LMX1A: variants seen among roughly 807,000 people sequenced by gnomAD.
LMX1A encodes the protein LIM homeobox transcription factor 1 alpha.
A neutral mutation model predicts 49.1 loss-of-function variants in LMX1A; 15 were observed. The ratio of observed to expected loss-of-function variants is 0.31; its 90% CI spans 0.20 to 0.47. The LOEUF (loss-of-function observed/expected upper bound fraction) is 0.47, where lower values mean the gene tolerates loss of function less well. Among genes scored for constraint, LMX1A ranks in the 20% least tolerant of loss-of-function variants. The pLI is 1.00. For missense variants in LMX1A, 372 were observed against 475.8 expected (o/e 0.78, Z 2.03); for synonymous variants, 167 against 185.7 (o/e 0.90, Z 0.82).
intron 3 of LMX1A, among the ~76,000 whole-genome samples, chr1:165,342,042 A>T (rs1656093272): frequency 6.6e-6 from 1 of 152,248 alleles, no homozygotes; most frequent in African/African-American, 2.4e-5. Flanking sequence ...CACATATTTC[A>T]TCTCTCCAAA....
intron 3 of LMX1A, among the ~76,000 whole-genome samples, chr1:165,258,048 CAG>C (rs1176033461): frequency 6.6e-6 from 1 of 152,170 alleles, no homozygotes; most frequent in Non-Finnish European, 1.5e-5. Context: ...TAGAAAGTAA[CAG>C]AGGGTTTGGG....
intron 3 of LMX1A, among the ~76,000 whole-genome samples, chr1:165,261,736 C>G (rs925517993): frequency 6.6e-6 from 1 of 152,094 alleles, no homozygotes; most frequent in Non-Finnish European, 1.5e-5. Flanking sequence ...ACATACACTA[C>G]AACATAATGA....
chr1:165,299,925 A>G (rs2101723562), intron 3 of LMX1A, among the ~76,000 whole-genome samples: 1 of 152,244 alleles, frequency 6.6e-6, no homozygotes, highest in East Asian at 1.9e-4. Context: ...GGGAAATTTT[A>G]AGCCTGGCTT....
At position 165,276,380 on chromosome 1, in the gene LMX1A, G is replaced by A. The variant is rs148440290; in HGVS notation, c.264-26740C>T. The stretch of plus-strand genomic sequence containing the variant: ...TAAAATGATTCCAGCTGAGGCAGCC[G>A]CCTCTCCACCCTCACCCTTCCTATC... On this transcript the variant is annotated intron_variant, in intron 3 of 8. Coordinates refer to ENST00000342310, the MANE Select transcript of LMX1A (RefSeq NM_177398.4). Among the ~76,000 whole-genome samples the A allele has an allele frequency of 4.9e-3, 749 of 152,288 alleles. 5 individuals are homozygous for A. The highest frequency in any genetic ancestry group is 8.9e-3 in the Non-Finnish European group (605 of 68,024).
chr1:165,210,460 A>T (rs1532814), intron 6 of LMX1A, among the ~76,000 whole-genome samples: 152,215 of 152,376 alleles, frequency 1, 76,027 homozygotes, highest in Non-Finnish European at 1. Flanking sequence ...GCTGGCCAAA[A>T]CCACAGTCAT....
intron 4 of LMX1A, among the ~76,000 whole-genome samples, chr1:165,216,687 CAT>C (rs1426502001): frequency 6.6e-6 from 1 of 152,204 alleles, no homozygotes. Context: ...TCACTCCTCA[CAT>C]AGTTTGATGC....
intron 3 of LMX1A, among the ~76,000 whole-genome samples, chr1:165,261,455 C>T (rs1653438165): frequency 6.6e-6 from 1 of 152,048 alleles, no homozygotes; most frequent in Admixed American, 6.6e-5. Flanking sequence ...TAAAATGGTG[C>T]AATGCTGTGG....
intron 3 of LMX1A, among the ~76,000 whole-genome samples, chr1:165,287,010 G>A (rs1351489593): frequency 6.6e-6 from 1 of 152,020 alleles, no homozygotes; most frequent in Non-Finnish European, 1.5e-5. Context: ...AAAATGCAGG[G>A]GGTAAATACA....
intron 3 of LMX1A, among the ~76,000 whole-genome samples, chr1:165,308,325 T>G (rs1199144812): frequency 6.6e-6 from 1 of 152,182 alleles, no homozygotes; most frequent in Non-Finnish European, 1.5e-5. Context: ...ACACCAGCCT[T>G]ACTCAGGTTC....
chr1:165,217,189 G>A (rs1376479494), intron 4 of LMX1A, among the ~76,000 whole-genome samples: 1 of 152,196 alleles, frequency 6.6e-6, no homozygotes, highest in Non-Finnish European at 1.5e-5. Flanking sequence ...GTGCTTGTGA[G>A]AAAGCAGAGC....
rs1299405346 is a variant in LMX1A at position 165,243,699 on chromosome 1, G to A, written c.496+5709C>T. ...TACTTTGTGAGTTCCCGAAAGTACG[G>A]CCAAGACCATGGTTTGAGTTTACAT... is the stretch of plus-strand genomic sequence containing the variant. On this transcript the variant is annotated intron_variant, in intron 4 of 8. Transcript: ENST00000342310. 2.0e-5 allele frequency among the ~76,000 whole-genome samples: 3 copies of A among 152,222 alleles called. No homozygotes were observed. In the East Asian group the frequency reaches 5.8e-4, roughly 29 times the overall value.
intron 3 of LMX1A, among the ~76,000 whole-genome samples, chr1:165,308,029 A>C (rs887611749): frequency 6.6e-6 from 1 of 152,242 alleles, no homozygotes; most frequent in Admixed American, 6.5e-5. Context: ...GGCTTCTGGA[A>C]CTTGCTTGAC....
At chr1:165,308,468 A>G (rs543994523) in intron 3 of LMX1A, among the ~76,000 whole-genome samples, 1 of 152,372 alleles carries the variant, frequency 6.6e-6, no homozygotes, top group East Asian at 1.9e-4. Context: ...GTCTGCTAAG[A>G]ACTGAAGAAA....
At chr1:165,316,282 T>A (rs1557882170) in intron 3 of LMX1A, among the ~76,000 whole-genome samples, 1 of 152,160 alleles carries the variant, frequency 6.6e-6, no homozygotes, top group Non-Finnish European at 1.5e-5. Context: ...CCCAGCCCCA[T>A]GAACACATGC....
At chr1:165,255,075 C>G (rs78633143) in intron 3 of LMX1A, among the ~76,000 whole-genome samples, 1 of 152,160 alleles carries the variant, frequency 6.6e-6, no homozygotes, top group East Asian at 1.9e-4. Flanking sequence ...TCTGGGGATG[C>G]CGTGATAAAT....
chr1:165,285,840 G>A (rs1431084452), intron 3 of LMX1A, among the ~76,000 whole-genome samples: 3 of 152,224 alleles, frequency 2.0e-5, no homozygotes, highest in African/African-American at 4.8e-5. Flanking sequence ...TATGGATTTA[G>A]GGAGGAAGGA....
In LMX1A at chr1:165,251,472, T is replaced by C. The variant is rs147858408; in HGVS notation, c.264-1832A>G. Among the ~76,000 whole-genome samples the C allele has an allele frequency of 3.9e-4, 59 of 152,148 alleles. 1 individual carries two copies. The East Asian group carries it at 6.2e-3, about 16-fold the overall frequency. On this transcript the variant is annotated intron_variant, in intron 3 of 8. Coordinates refer to ENST00000342310, the MANE Select transcript of LMX1A (RefSeq NM_177398.4). ...TGGAATGGAAATGGAGGTAGCGAGATGAGTGAGCAGCTGAGAAATTATCAG... is the reference window on the plus strand; with the variant it reads ...TGGAATGGAAATGGAGGTAGCGAGACGAGTGAGCAGCTGAGAAATTATCAG...
At chr1:165,271,651 A>G (rs1268272293) in intron 3 of LMX1A, among the ~76,000 whole-genome samples, 1 of 152,162 alleles carries the variant, frequency 6.6e-6, no homozygotes, top group East Asian at 1.9e-4. Context: ...CCGAGAAGCA[A>G]CAGTCACCAA....
intron 3 of LMX1A, among the ~76,000 whole-genome samples, chr1:165,348,455 A>G (rs982228930): frequency 2.0e-5 from 3 of 152,232 alleles, no homozygotes; most frequent in African/African-American, 7.2e-5. Flanking sequence ...AAGTGCCTGC[A>G]CAAACACAGC....
Sources: gnomAD v4.1 joint callset for allele counts (sites outside exome capture counted in the v4.1 genomes callset) on GRCh38, gnomAD v4.1.1 for gene constraint, MANE v1.5 for transcripts, NCBI Gene and HGNC (gene_info 2026-07-23, HGNC 2026-07-21) for gene names.